Variants in FAM13A observed in about 807,000 individuals in gnomAD.
FAM13A encodes family with sequence similarity 13 member A.
Under a neutral mutation model 129.6 loss-of-function variants are expected in FAM13A, and 76 were observed. The ratio of observed to expected loss-of-function variants is 0.59; its 90% CI spans 0.49 to 0.71. The LOEUF is 0.71. FAM13A is among the 30% of genes least tolerant of loss of function. FAM13A has a pLI of 0.00. For missense variants in FAM13A, 1,108 were observed against 1,249.3 expected, an observed-to-expected ratio of 0.89 and a Z score of 1.70; for synonymous variants, 443 against 449.9, an observed-to-expected ratio of 0.98 and a Z score of 0.20.
intron 3 of FAM13A, among the ~76,000 whole-genome samples, chr4:88,996,670 C>T (rs570729545): frequency 6.6e-6 from 1 of 151,994 alleles, no homozygotes; most frequent in South Asian, 2.1e-4. Flanking sequence ...GTACTTGGAC[C>T]AGGGTGAAGG....
At chr4:88,809,936 A>G (rs913673741) in intron 7 of FAM13A, among the ~76,000 whole-genome samples, 2 of 150,462 alleles carry the variant, frequency 1.3e-5, no homozygotes, top group African/African-American at 4.9e-5. Flanking sequence ...TTGCAGCTGT[A>G]ATTTGTTGCG....
chr4:88,902,689 A>G (rs1314660072), intron 6 of FAM13A, among the ~76,000 whole-genome samples: 2 of 152,200 alleles, frequency 1.3e-5, no homozygotes, highest in Non-Finnish European at 2.9e-5. Context: ...TTCCCGTTGA[A>G]AGCTGACACA....
At chr4:88,888,936 CA>C (rs896287129) in intron 6 of FAM13A, among the ~76,000 whole-genome samples, 204 of 65,570 alleles carry the variant, frequency 3.1e-3, no homozygotes, top group Middle Eastern at 8.9e-3. Context: ...ACTCCGTCTC[CA>C]AAAAAAAAAA....
chr4:88,737,411 G>T, intron 21 of FAM13A, 61 bp downstream of exon 21: 1 of 1,380,278 alleles, frequency 7.2e-7, no homozygotes, highest in Non-Finnish European at 1.0e-6. Context: ...CACCGGAGGG[G>T]AGGGGAGGAG....
chr4:88,850,742 C>T (rs1737425352), intron 7 of FAM13A, among the ~76,000 whole-genome samples: 1 of 152,094 alleles, frequency 6.6e-6, no homozygotes, highest in Admixed American at 6.6e-5. Flanking sequence ...GAAAAAGCAT[C>T]CAAAAATAAC....
At chr4:88,750,021 G>T in intron 15 of FAM13A, 112 bp from the exon 16 acceptor site, 1 of 1,071,422 alleles carries the variant, frequency 9.3e-7, no homozygotes, top group Non-Finnish European at 1.4e-6. Flanking sequence ...TGGGGGCAGT[G>T]CGGAGACAAA....
intron 6 of FAM13A, among the ~76,000 whole-genome samples, chr4:88,864,073 C>A (rs1739973460): frequency 6.6e-6 from 1 of 152,164 alleles, no homozygotes; most frequent in Admixed American, 6.5e-5. Context: ...ATCATTCATT[C>A]ATTCAACAAA....
intron 7 of FAM13A, among the ~76,000 whole-genome samples, chr4:88,847,798 G>A (rs556609924): frequency 3.9e-5 from 6 of 152,144 alleles, no homozygotes; most frequent in South Asian, 2.1e-4. Context: ...TTAGCTGGGC[G>A]TGGTGGCAGC....
At position 88,732,336 on chromosome 4, in the gene FAM13A, AC is replaced by A. The variant is rs1738009954; in HGVS notation, c.2647-139del. 6 of 559,648 alleles carry A rather than the reference AC, an allele frequency of 1.1e-5. No homozygotes were observed. The Admixed American group carries it at 1.8e-4, about 16-fold the overall frequency. 34.7% of individuals were successfully genotyped at this position (559,648 alleles called of 1,614,324 possible). ...TATCTACATTTAGCAACACATATGT[AC>A]ATTACAGATATATTATTGAACATCT... On this transcript the variant is annotated intron_variant, in intron 21 of 23. Transcript: ENST00000264344.
intron 11 of FAM13A, among the ~76,000 whole-genome samples, chr4:88,769,816 C>G (rs559455159): frequency 6.6e-6 from 1 of 150,954 alleles, no homozygotes; most frequent in East Asian, 1.9e-4. Flanking sequence ...GGCGACAGAG[C>G]GAGACTCTGT....
chr4:88,945,440 A>G (rs2148845568), intron 4 of FAM13A, among the ~76,000 whole-genome samples: 2 of 152,278 alleles, frequency 1.3e-5, no homozygotes, highest in Middle Eastern at 6.8e-3. Context: ...GAGACTCCCT[A>G]TCGTAGTAAG....
intron 3 of FAM13A, among the ~76,000 whole-genome samples, chr4:89,015,362 T>C (rs780031099): frequency 9.9e-5 from 15 of 152,170 alleles, no homozygotes; most frequent in Non-Finnish European, 2.1e-4. Context: ...AAATCACTAA[T>C]AAAAATTTGC....
chr4:89,006,475 C>T (rs1765027950), intron 3 of FAM13A, among the ~76,000 whole-genome samples: 2 of 152,186 alleles, frequency 1.3e-5, no homozygotes, highest in Non-Finnish European at 2.9e-5. Flanking sequence ...GTGTGGCTTG[C>T]TTACTCAAAC....
intron 4 of FAM13A, among the ~76,000 whole-genome samples, chr4:88,980,826 C>T (rs1224900961): frequency 6.6e-6 from 1 of 152,174 alleles, no homozygotes; most frequent in East Asian, 1.9e-4. Context: ...TCTGGTTATA[C>T]ATCATGTTCG....
intron 10 of FAM13A, among the ~76,000 whole-genome samples, chr4:88,783,896 T>C (rs1409234910): frequency 2.0e-5 from 3 of 152,078 alleles, no homozygotes; most frequent in Non-Finnish European, 2.9e-5. Context: ...CGGACACTTC[T>C]AGCACCTTGA....
Position 88,891,095 on chromosome 4 carries a change from T to C in FAM13A, c.843+15284A>G, listed in dbSNP as rs186501068. Among the ~76,000 whole-genome samples the C allele has an allele frequency of 3.0e-3, 457 of 152,316 alleles. 2 individuals carry two copies. The highest frequency in any genetic ancestry group is 4.9e-3 in the Non-Finnish European group (335 of 68,022). On this transcript the variant is annotated intron_variant, in intron 6 of 23. Coordinates refer to ENST00000264344, the MANE Select transcript of FAM13A (RefSeq NM_014883.4). Reference sequence around the variant, plus strand: ...TTCTACCAAATATTAAAGCAATTGATAGTCCCAATCTTAAATTGTTTCAGA... The same window carrying C: ...TTCTACCAAATATTAAAGCAATTGACAGTCCCAATCTTAAATTGTTTCAGA...
At chr4:89,029,804 A>C in intron 1 of FAM13A, 155 bp from the exon 2 acceptor site, 2 of 686,722 alleles carry the variant, frequency 2.9e-6, no homozygotes, top group East Asian at 5.5e-5. Flanking sequence ...AACATCTCTC[A>C]CATGTTGCTC....
Position 88,962,331 on chromosome 4 carries a change from T to C in FAM13A, c.606-24090A>G, listed in dbSNP as rs116147761. 3.0e-3 allele frequency among the ~76,000 whole-genome samples: 454 copies of C among 152,288 alleles called. 4 individuals are homozygous for C. Among genetic ancestry groups the C allele is most frequent in the African/African-American group, 0.01 (434 of 41,544 alleles). On this transcript the variant is annotated intron_variant, in intron 4 of 23. Coordinates refer to ENST00000264344, the MANE Select transcript of FAM13A (RefSeq NM_014883.4). ...AGAGAAGGAAAGGATGAACGAGATT[T>C]AGGAAATTCGGAACAAGCATTTGCA...
At chr4:88,960,761 A>G (rs565378321) in intron 4 of FAM13A, among the ~76,000 whole-genome samples, 193 of 152,310 alleles carry the variant, frequency 1.3e-3, no homozygotes, top group African/African-American at 4.5e-3. Flanking sequence ...TTGCTTCCTG[A>G]ATAGATTTAC....
Sources: gnomAD v4.1 joint callset for allele counts (sites outside exome capture counted in the v4.1 genomes callset) on GRCh38, gnomAD v4.1.1 for gene constraint, MANE v1.5 for transcripts, NCBI Gene and HGNC (gene_info 2026-07-23, HGNC 2026-07-21) for gene names.